ARHGAP39: variants seen among roughly 807,000 people sequenced by gnomAD.
ARHGAP39 encodes the protein Rho GTPase activating protein 39, also known as rho GTPase-activating protein 39.
In ARHGAP39, 44 loss-of-function variants were observed where a neutral mutation model predicts 106.9. The observed-to-expected ratio is 0.41, with a 90% confidence interval of 0.32 to 0.53. The LOEUF (loss-of-function observed/expected upper bound fraction) is 0.53, where lower values mean the gene tolerates loss of function less well. ARHGAP39 is among the 20% of genes least tolerant of loss of function. The pLI is 0.21. For synonymous variants in ARHGAP39, 768 were observed against 693.2 expected, an observed-to-expected ratio of 1.11 and a Z score of -1.69; for missense variants, 1,496 against 1,577.3, an observed-to-expected ratio of 0.95 and a Z score of 0.87.
At chr8:144,539,545 T>A (rs548333566) in intron 6 of ARHGAP39, among the ~76,000 whole-genome samples, 16 of 152,366 alleles carry the variant, frequency 1.1e-4, no homozygotes, top group African/African-American at 3.6e-4. Flanking sequence ...AGGTTTTATA[T>A]CTTGGTTTAC....
chr8:144,581,408 G>C, intron 2 of ARHGAP39, 131 bp from the exon 3 acceptor site: 1 of 1,045,286 alleles, frequency 9.6e-7, no homozygotes, highest in South Asian at 1.7e-5. Context: ...GCAAACCCAA[G>C]CCCAGTCCGC....
At chr8:144,561,833 A>G (rs1818180495) in intron 3 of ARHGAP39, among the ~76,000 whole-genome samples, 1 of 135,014 alleles carries the variant, frequency 7.4e-6, no homozygotes, top group Admixed American at 7.8e-5. Flanking sequence ...AGTGGTTTCC[A>G]TCGGGCTCCA....
At chr8:144,596,391 G>A (rs1008556303) in intron 2 of ARHGAP39, among the ~76,000 whole-genome samples, 8 of 152,144 alleles carry the variant, frequency 5.3e-5, no homozygotes, top group Non-Finnish European at 1.0e-4. Context: ...CTGAGGCCTC[G>A]CCACCCCGGC....
chr8:144,568,966 T>G (rs113527660), intron 3 of ARHGAP39, among the ~76,000 whole-genome samples: 1 of 152,084 alleles, frequency 6.6e-6, no homozygotes. Context: ...ACCCTAGCCA[T>G]GCAAATCATC....
intron 4 of ARHGAP39, among the ~76,000 whole-genome samples, chr8:144,551,625 C>T (rs563747079): frequency 1.4e-4 from 21 of 152,282 alleles, no homozygotes; most frequent in South Asian, 8.3e-4. Context: ...CCCACCCTTC[C>T]GCCATGTAGG....
rs1442669116 is a variant in ARHGAP39 at position 144,547,120 on chromosome 8, C to T, written c.1959+7G>A. The stretch of plus-strand genomic sequence containing the variant: ...CTCAAGCTCAGCCGCGCCCATTGGG[C>T]CCTCACCTGTGAGGGGTGGAGGTAG... On this transcript the variant is annotated splice_region_variant and intron_variant, in intron 5 of 11. Coordinates refer to ENST00000377307, the MANE Select transcript of ARHGAP39 (RefSeq NM_025251.3). The surrounding 1 kb of genome is among the most constrained non-coding windows in gnomAD (Gnocchi z 5.2). 3.2e-6 allele frequency: 5 copies of T among 1,579,486 alleles called. No individual in the cohort carries two copies. Among genetic ancestry groups the T allele is most frequent in the Middle Eastern group, 3.4e-4 (2 of 5,798 alleles).
chr8:144,697,371 G>A, the ARHGAP39 span, among the ~76,000 whole-genome samples: 1 of 149,650 alleles, frequency 6.7e-6, no homozygotes, highest in African/African-American at 2.4e-5. Context: ...AATGATGCTT[G>A]TTCTTGGAGT....
At chr8:144,565,969 T>C (rs1818380003) in intron 3 of ARHGAP39, among the ~76,000 whole-genome samples, 1 of 148,946 alleles carries the variant, frequency 6.7e-6, no homozygotes, top group Non-Finnish European at 1.5e-5. Context: ...GTCAGCAAGC[T>C]TGTGGTCCCA....
At chr8:144,546,987 C>T in intron 5 of ARHGAP39, 140 bp downstream of exon 5, 2 of 1,115,348 alleles carry the variant, frequency 1.8e-6, no homozygotes, top group Non-Finnish European at 2.4e-6. Flanking sequence ...TGCCCAGGGC[C>T]CCGGAGACAC....
At chr8:144,652,014 A>G (rs1347705618) in intron 1 of ARHGAP39, among the ~76,000 whole-genome samples, 2 of 152,206 alleles carry the variant, frequency 1.3e-5, no homozygotes, top group Non-Finnish European at 2.9e-5. Context: ...AGGAATAGGA[A>G]AAGATTTCAT....
chr8:144,662,911 A>AC (rs1452454473), intron 1 of ARHGAP39, among the ~76,000 whole-genome samples: 3 of 51,676 alleles, frequency 5.8e-5, no homozygotes, highest in Admixed American at 2.1e-4. Context: ...CCTATCCCCC[A>AC]CCCCCATTAT....
At chr8:144,550,357 G>A (rs186082499) in intron 4 of ARHGAP39, among the ~76,000 whole-genome samples, 1 of 151,742 alleles carries the variant, frequency 6.6e-6, no homozygotes, top group Admixed American at 6.6e-5. Flanking sequence ...CCCAGCACTT[G>A]GGGAGGCTGA....
At position 144,555,205 on chromosome 8, in the gene ARHGAP39, TC is replaced by T. The variant is rs573761614; in HGVS notation, c.596+354del. Among the ~76,000 whole-genome samples, 19 of 152,296 alleles carry T rather than the reference TC, an allele frequency of 1.2e-4. No homozygotes were observed. The South Asian group carries it at 3.9e-3, about 32-fold the overall frequency. On this transcript the variant is annotated intron_variant, in intron 4 of 11. Transcript: ENST00000377307. ...CCTCCACTGTGATTAGCGCCAACCT[TC>T]CAGACGGGCCTGGCAAGTGCTTTGG...
Position 144,641,379 on chromosome 8 carries a change from T to C in ARHGAP39, c.-81-35684A>G, listed in dbSNP as rs1006080150. ...AAGCAGAAATGAGACAACATGGAGA[T>C]GCAGACGCAGGCAGATGATGGGCTG... On this transcript the variant is annotated intron_variant, in intron 1 of 11. Transcript: ENST00000377307. This position sits in a 1 kb window ranked among gnomAD's most constrained non-coding sequence, Gnocchi z 5.2. Among the ~76,000 whole-genome samples, 7 of 152,172 alleles carry C rather than the reference T, an allele frequency of 4.6e-5. No homozygotes were observed. The highest frequency in any genetic ancestry group is 1.4e-4 in the African/African-American group (6 of 41,520).
chr8:144,694,040 C>T, the ARHGAP39 span, among the ~76,000 whole-genome samples: 1 of 152,054 alleles, frequency 6.6e-6, no homozygotes, highest in Non-Finnish European at 1.5e-5. Flanking sequence ...GGCCCTGAGG[C>T]AGGAATGTGA....
At chr8:144,677,633 C>T (rs990438937) in intron 1 of ARHGAP39, among the ~76,000 whole-genome samples, 1 of 151,782 alleles carries the variant, frequency 6.6e-6, no homozygotes, top group Non-Finnish European at 1.5e-5. Context: ...ATCTCTCAAA[C>T]ATAGTTGAAA....
rs373327760 is a variant in ARHGAP39, at chr8:144,530,780, G to T, written c.3072C>A (p.Pro1024=). The part of the protein sequence containing the change: ...YEQCIAHYDS[P]EAAVAVVHAL... Reference sequence around the variant, plus strand: ...CGTGCACCACGGCCACCGCCGCCTCGGGGCTGTCGTAGTGCGCGATGCACT... The same window carrying T: ...CGTGCACCACGGCCACCGCCGCCTCTGGGCTGTCGTAGTGCGCGATGCACT... The change falls in exon 11 of 12, where the codon CCC becomes CCA. Residue 1024 remains proline (P), a synonymous_variant. Transcript: ENST00000377307. 11 of 1,611,414 alleles carry T rather than the reference G, an allele frequency of 6.8e-6. No individual in the cohort carries two copies. Among genetic ancestry groups the T allele is most frequent in the Non-Finnish European group, 9.3e-6 (11 of 1,179,460 alleles).
At chr8:144,565,843 G>A (rs964308368) in intron 3 of ARHGAP39, among the ~76,000 whole-genome samples, 3 of 151,332 alleles carry the variant, frequency 2.0e-5, no homozygotes, top group East Asian at 1.9e-4. Flanking sequence ...CACACTTGTC[G>A]CACTACGGGA....
At position 144,532,410 on chromosome 8, in the gene ARHGAP39, G is replaced by C; in HGVS notation, c.2889-14C>G. On this transcript the variant is annotated splice_polypyrimidine_tract_variant and intron_variant, in intron 9 of 11. Coordinates refer to ENST00000377307, the MANE Select transcript of ARHGAP39 (RefSeq NM_025251.3). Reference sequence around the variant, plus strand: ...TCCCCAGGGACCCTGCAGGGCACAGGGCAGGTCTCAGGCAACAGGAGCCTG... The same window carrying C: ...TCCCCAGGGACCCTGCAGGGCACAGCGCAGGTCTCAGGCAACAGGAGCCTG... 1 of 1,609,380 alleles carries C rather than the reference G, an allele frequency of 6.2e-7. No homozygotes were observed. Among genetic ancestry groups the C allele is most frequent in the African/African-American group, 1.3e-5 (1 of 74,940 alleles).
Sources: gnomAD v4.1 joint callset for allele counts (sites outside exome capture counted in the v4.1 genomes callset) on GRCh38, gnomAD v4.1.1 for gene constraint, Gnocchi (gnomAD v3.1) non-coding constraint, MANE v1.5 for transcripts, NCBI Gene and HGNC (gene_info 2026-07-23, HGNC 2026-07-21) for gene names.